Variants in ROR1 observed in about 807,000 individuals in gnomAD.
The protein encoded by ROR1 is ROR family WNT receptor 1, also known as inactive tyrosine-protein kinase transmembrane receptor ROR1.
ROR1 carries 19 observed loss-of-function variants against 78.8 expected under a neutral mutation model. That is an observed-to-expected ratio of 0.24 (90% CI 0.17 to 0.35). The LOEUF (loss-of-function observed/expected upper bound fraction) is 0.35. ROR1 is among the 10% of genes least tolerant of loss of function. ROR1 has a pLI of 1.00. For missense variants in ROR1, 917 were observed against 1,177.8 expected (o/e 0.78, Z 3.24); for synonymous variants, 386 against 433.6 (o/e 0.89, Z 1.36).
At chr1:64,023,507 A>G (rs1458524237) in intron 2 of ROR1, among the ~76,000 whole-genome samples, 1 of 152,104 alleles carries the variant, frequency 6.6e-6, no homozygotes, top group Admixed American at 6.5e-5. Context: ...TATTGCCCTT[A>G]TCCTTAAATA....
chr1:64,062,303 T>C (rs1473115909), intron 4 of ROR1, among the ~76,000 whole-genome samples: 2 of 152,096 alleles, frequency 1.3e-5, no homozygotes, highest in East Asian at 3.9e-4. Flanking sequence ...TTTGTTGTTT[T>C]TGTTGTTATT....
At chr1:63,996,971 G>A (rs1004857552) in intron 1 of ROR1, among the ~76,000 whole-genome samples, 6 of 152,274 alleles carry the variant, frequency 3.9e-5, no homozygotes, top group South Asian at 4.1e-4. Flanking sequence ...TCCTTTGCAT[G>A]TGGAGTCATG....
chr1:63,838,824 C>T (rs1160259156), intron 1 of ROR1, among the ~76,000 whole-genome samples: 1 of 152,132 alleles, frequency 6.6e-6, no homozygotes, highest in Non-Finnish European at 1.5e-5. Context: ...TAAGTGCTCT[C>T]TACAGGTGTA....
intron 1 of ROR1, among the ~76,000 whole-genome samples, chr1:63,932,503 T>TA (rs1645761742): frequency 6.6e-6 from 1 of 152,154 alleles, no homozygotes; most frequent in Admixed American, 6.5e-5. Context: ...CATCATCATG[T>TA]AAATTCTCTA....
intron 1 of ROR1, among the ~76,000 whole-genome samples, chr1:63,952,191 T>C (rs1315455253): frequency 6.6e-6 from 1 of 152,084 alleles, no homozygotes; most frequent in Non-Finnish European, 1.5e-5. Context: ...TGGTCTGAGC[T>C]GAGATCTGGA....
intron 1 of ROR1, among the ~76,000 whole-genome samples, chr1:63,856,771 C>G (rs1286176223): frequency 6.6e-6 from 1 of 152,178 alleles, no homozygotes; most frequent in Non-Finnish European, 1.5e-5. Flanking sequence ...TATCCTGTTA[C>G]TCCAACTTGG....
chr1:63,921,862 A>G (rs1645657473), intron 1 of ROR1, among the ~76,000 whole-genome samples: 1 of 152,218 alleles, frequency 6.6e-6, no homozygotes, highest in Non-Finnish European at 1.5e-5. Context: ...GACAGGATGC[A>G]CAAAAGCTCT....
intron 1 of ROR1, among the ~76,000 whole-genome samples, chr1:63,879,527 C>A (rs1045368864): frequency 6.6e-6 from 1 of 152,066 alleles, no homozygotes; most frequent in Non-Finnish European, 1.5e-5. Context: ...TTCTGGGGGG[C>A]CTTCAAGGTA....
intron 2 of ROR1, among the ~76,000 whole-genome samples, chr1:64,040,880 G>C (rs953170666): frequency 2.6e-5 from 4 of 152,116 alleles, no homozygotes; most frequent in Non-Finnish European, 5.9e-5. Flanking sequence ...ATCAGCAAAA[G>C]GTCTCTTAGA....
chr1:63,908,220 A>AAC (rs1381683949), intron 1 of ROR1, among the ~76,000 whole-genome samples: 1 of 152,262 alleles, frequency 6.6e-6, no homozygotes, highest in East Asian at 1.9e-4. Flanking sequence ...TTCACTGCAA[A>AAC]ACACACATTT....
chr1:63,851,216 G>A (rs1003944260), intron 1 of ROR1, among the ~76,000 whole-genome samples: 1 of 152,292 alleles, frequency 6.6e-6, no homozygotes. Flanking sequence ...TTGACCTGGT[G>A]ATCCGCTAGC....
chr1:63,798,583 T>C (rs918837551), intron 1 of ROR1, among the ~76,000 whole-genome samples: 1 of 152,180 alleles, frequency 6.6e-6, no homozygotes, highest in African/African-American at 2.4e-5. Context: ...GCCTTGTAAG[T>C]ATAGACAAGA....
intron 1 of ROR1, among the ~76,000 whole-genome samples, chr1:63,784,276 T>C (rs1644670870): frequency 6.6e-6 from 1 of 152,220 alleles, no homozygotes; most frequent in African/African-American, 2.4e-5. Flanking sequence ...ACTCTGTAGC[T>C]GTCAGGGCCT....
chr1:63,900,421 T>C (rs1247019015), intron 1 of ROR1, among the ~76,000 whole-genome samples: 1 of 127,472 alleles, frequency 7.8e-6, no homozygotes, highest in African/African-American at 3.0e-5. Flanking sequence ...GGCGTTGCAC[T>C]CCAGCCTGGA....
intron 1 of ROR1, among the ~76,000 whole-genome samples, chr1:63,947,942 A>G (rs1645903710): frequency 6.6e-6 from 1 of 152,188 alleles, no homozygotes; most frequent in Admixed American, 6.6e-5. Context: ...TGCTGTCATT[A>G]TGAGTGTTTA....
At chr1:64,175,193 T>C (rs1359960441) in intron 8 of ROR1, among the ~76,000 whole-genome samples, 1 of 152,062 alleles carries the variant, frequency 6.6e-6, no homozygotes, top group African/African-American at 2.4e-5. Flanking sequence ...ATTTCCCAAG[T>C]ATCCTTTCGT....
intron 1 of ROR1, among the ~76,000 whole-genome samples, chr1:63,938,627 A>G (rs541803973): frequency 1.3e-5 from 2 of 152,326 alleles, no homozygotes; most frequent in South Asian, 4.1e-4. Context: ...AGCCCATGAT[A>G]TTAATCACAT....
chr1:63,809,617 T>C (rs924708716), intron 1 of ROR1, among the ~76,000 whole-genome samples: 2 of 152,306 alleles, frequency 1.3e-5, no homozygotes, highest in East Asian at 3.9e-4. Flanking sequence ...GTACTTCCAA[T>C]GTGGCATCTA....
chr1:64,042,173 C>T (rs563634641), intron 2 of ROR1, among the ~76,000 whole-genome samples: 1 of 152,282 alleles, frequency 6.6e-6, no homozygotes, highest in African/African-American at 2.4e-5. Flanking sequence ...TTATTCACTA[C>T]ACAGGAGAAT....
Sources: allele counts gnomAD v4.1 joint callset (sites outside exome capture counted in the v4.1 genomes callset), GRCh38; gene constraint gnomAD v4.1.1; transcripts MANE v1.5; gene names NCBI Gene and HGNC (gene_info 2026-07-23, HGNC 2026-07-21).